Variants in MAP3K4 observed in about 807,000 individuals in gnomAD.
MAP3K4 encodes the protein MAP three kinase 1.
In MAP3K4, 67 loss-of-function variants were observed where a neutral mutation model predicts 185.6. The observed-to-expected ratio is 0.36, with a 90% CI of 0.30 to 0.44. The LOEUF (loss-of-function observed/expected upper bound fraction) is 0.44. Among genes scored for constraint, MAP3K4 ranks in the 20% least tolerant of loss-of-function variants. The pLI is 1.00. For missense variants in MAP3K4, 1,551 were observed against 1,995.1 expected, an observed-to-expected ratio of 0.78 and a Z score of 4.24; for synonymous variants, 702 against 710.4, an observed-to-expected ratio of 0.99 and a Z score of 0.19.
At position 161,048,610 on chromosome 6, in the gene MAP3K4, T is replaced by A. The variant is rs1783852961; in HGVS notation, c.344-6T>A. 5.2e-6 allele frequency: 8 copies of A among 1,541,694 alleles called. No homozygotes were observed. The highest frequency in any genetic ancestry group is 2.2e-5 in the Admixed American group (1 of 46,018). ...ATAATGTTCTGTTTATTTTTTTTTT[T>A]AATAGAAAAAATGAATGCACCAAAT... On this transcript the variant is annotated splice_polypyrimidine_tract_variant and splice_region_variant and intron_variant, in intron 2 of 26. Coordinates refer to ENST00000392142, the MANE Select transcript of MAP3K4 (RefSeq NM_005922.4). This position sits in a 1 kb window ranked among gnomAD's most constrained non-coding sequence, Gnocchi z 4.7.
chr6:160,992,520 C>T (rs188300852), intron 1 of MAP3K4, among the ~76,000 whole-genome samples: 33 of 152,328 alleles, frequency 2.2e-4, no homozygotes, highest in African/African-American at 7.7e-4. Context: ...TGCGTACTGG[C>T]TATTTCCCCG....
intron 2 of MAP3K4, among the ~76,000 whole-genome samples, chr6:161,036,784 TC>T (rs1411270613): frequency 6.6e-6 from 1 of 152,194 alleles, no homozygotes; most frequent in African/African-American, 2.4e-5. Context: ...GTATCCCTAA[TC>T]TACATGCTCC....
chr6:161,018,159 A>G (rs1053626414), intron 1 of MAP3K4, among the ~76,000 whole-genome samples: 1 of 152,196 alleles, frequency 6.6e-6, no homozygotes, highest in African/African-American at 2.4e-5. Flanking sequence ...TGCTGAGTGG[A>G]GGAAGCAGAT....
rs1161844336 is a variant in MAP3K4, at chr6:161,077,667, G to A, written c.2098-3214G>A. Among the ~76,000 whole-genome samples the A allele has an allele frequency of 6.6e-6, 1 of 152,182 alleles. No individual in the cohort carries two copies. Among genetic ancestry groups the A allele is most frequent in the Non-Finnish European group, 1.5e-5 (1 of 68,034 alleles). On this transcript the variant is annotated intron_variant, in intron 5 of 26. Transcript: ENST00000392142. This position sits in a 1 kb window ranked among gnomAD's most constrained non-coding sequence, Gnocchi z 4.3. ...AACATACATTCAGAAAGAAGTATAA[G>A]GATTCAAAGGAAACGTAGGCAGTGA...
At position 160,996,655 on chromosome 6, in the gene MAP3K4, G is replaced by A. The variant is rs990970192; in HGVS notation, c.152+4572G>A. Among the ~76,000 whole-genome samples the A allele has an allele frequency of 6.6e-6, 1 of 152,156 alleles. No individual in the cohort carries two copies. Among genetic ancestry groups the A allele is most frequent in the African/African-American group, 2.4e-5 (1 of 41,422 alleles). ...TAAAGAGAAAATGGAAAACGTGAGAGAAGGAGATTAGCTGAAGACTCCGTA... is the reference window on the plus strand; with the variant it reads ...TAAAGAGAAAATGGAAAACGTGAGAAAAGGAGATTAGCTGAAGACTCCGTA... On this transcript the variant is annotated intron_variant, in intron 1 of 26. Coordinates refer to ENST00000392142, the MANE Select transcript of MAP3K4 (RefSeq NM_005922.4). This position sits in a 1 kb window ranked among gnomAD's most constrained non-coding sequence, Gnocchi z 4.5.
At chr6:161,002,020 G>A (rs577137696) in intron 1 of MAP3K4, among the ~76,000 whole-genome samples, 70 of 144,982 alleles carry the variant, frequency 4.8e-4, no homozygotes, top group Admixed American at 4.8e-3. Context: ...CCCCCCCAAC[G>A]TCTGCAGAAG....
rs1785487067 is a variant in MAP3K4, at chr6:161,082,070, C to T, written c.2255+1032C>T. Among the ~76,000 whole-genome samples the T allele has an allele frequency of 6.6e-6, 1 of 152,044 alleles. No homozygotes were observed. Among genetic ancestry groups the T allele is most frequent in the Admixed American group, 6.5e-5 (1 of 15,268 alleles). On this transcript the variant is annotated intron_variant, in intron 6 of 26. Coordinates refer to ENST00000392142, the MANE Select transcript of MAP3K4 (RefSeq NM_005922.4). The surrounding 1 kb of genome is among the most constrained non-coding windows in gnomAD (Gnocchi z 4.2). ...CAGTCTCGGAATCTCGTATCCACTT[C>T]TCTGTTCTAATGGCCAGTTCTTTTT...
In MAP3K4 at chr6:161,109,746, C is replaced by T; in HGVS notation, c.4237-9C>T. The T allele has an allele frequency of 6.2e-7, 1 of 1,614,084 alleles. No homozygotes were observed. Among genetic ancestry groups the T allele is most frequent in the Non-Finnish European group, 8.5e-7 (1 of 1,179,990 alleles). On this transcript the variant is annotated splice_polypyrimidine_tract_variant and intron_variant, in intron 22 of 26. Coordinates refer to ENST00000392142, the MANE Select transcript of MAP3K4 (RefSeq NM_005922.4). The surrounding 1 kb of genome is among the most constrained non-coding windows in gnomAD (Gnocchi z 5.7). The stretch of plus-strand genomic sequence containing the variant: ...GTAAACACAGAGCTGCCCTTTATTC[C>T]TCCCACAGGAAGAAATGTACATCTT...
intron 1 of MAP3K4, among the ~76,000 whole-genome samples, chr6:161,005,813 A>C (rs1372304198): frequency 6.6e-6 from 1 of 152,116 alleles, no homozygotes; most frequent in African/African-American, 2.4e-5. Context: ...TTTGAGACAG[A>C]GTCTTGCTCT....
rs1170304395 is a variant in MAP3K4 at position 161,073,342 on chromosome 6, A to G, written c.1951-124A>G. The G allele has an allele frequency of 7.3e-6, 6 of 819,718 alleles. No homozygotes were observed. Among genetic ancestry groups the G allele is most frequent in the Admixed American group, 3.5e-5 (1 of 28,822 alleles). The allele number at this position is 819,718 out of a possible 1,614,324, so 50.8% of individuals were successfully genotyped here. A position where few individuals can be genotyped will look rare whatever the true frequency, so the allele number is the denominator to read the frequency against. On this transcript the variant is annotated intron_variant, in intron 4 of 26. Coordinates refer to ENST00000392142, the MANE Select transcript of MAP3K4 (RefSeq NM_005922.4). This position sits in a 1 kb window ranked among gnomAD's most constrained non-coding sequence, Gnocchi z 4.2. ...TGAACTGATCAAGAATCTAGAAACT[A>G]TTGTAGGTTTTTTAGAGGCAAGGTT...
chr6:161,107,396 T>C lies in MAP3K4; in HGVS notation c.4049-503T>C, dbSNP rs1276583307. 6.6e-6 allele frequency among the ~76,000 whole-genome samples: 1 copy of C among 152,162 alleles called. No homozygotes were observed. Among genetic ancestry groups the C allele is most frequent in the East Asian group, 1.9e-4 (1 of 5,200 alleles). ...TGAAAACAATCAAGTACTTTATAAA[T>C]TGGATTAATTATTGTTATCAGTCTT... is the stretch of plus-strand genomic sequence containing the variant. On this transcript the variant is annotated intron_variant, in intron 20 of 26. Transcript: ENST00000392142. This position sits in a 1 kb window ranked among gnomAD's most constrained non-coding sequence, Gnocchi z 6.2.
Position 161,006,551 on chromosome 6 carries a change from C to T in MAP3K4, c.152+14468C>T, listed in dbSNP as rs545629764. Among the ~76,000 whole-genome samples the T allele has an allele frequency of 2.0e-5, 3 of 152,122 alleles. No homozygotes were observed. In the South Asian group the frequency reaches 6.2e-4, roughly 32 times the overall value. The stretch of plus-strand genomic sequence containing the variant: ...ATTTTATATCAGACAGTTGAGCATC[C>T]CAGATTTTGTTTTTCCAAGGGAGGT... On this transcript the variant is annotated intron_variant, in intron 1 of 26. Transcript: ENST00000392142.
chr6:161,065,627 C>T (rs143635102), intron 3 of MAP3K4, among the ~76,000 whole-genome samples: 1 of 152,286 alleles, frequency 6.6e-6, no homozygotes, highest in East Asian at 1.9e-4. Context: ...TTTTAGACTT[C>T]AGCTTTCTTC....
intron 1 of MAP3K4, chr6:160,992,324 C>T (rs903134273): frequency 9.2e-6 from 5 of 542,266 alleles, no homozygotes; most frequent in Non-Finnish European, 9.4e-6. Flanking sequence ...GTTGCCGGCT[C>T]CCCTTCCCTT....
At chr6:161,030,257 A>G (rs915387848) in intron 1 of MAP3K4, among the ~76,000 whole-genome samples, 16 of 151,824 alleles carry the variant, frequency 1.1e-4, no homozygotes, top group South Asian at 2.1e-4. Flanking sequence ...TTCATTTTCA[A>G]TAGTTTCTGT....
rs760271978 is a variant in MAP3K4, at chr6:161,048,255, A to G, written c.344-361A>G. 1.8e-6 allele frequency: 1 copy of G among 545,034 alleles called. No homozygotes were observed. The highest frequency in any genetic ancestry group is 3.7e-6 in the Non-Finnish European group (1 of 268,558). The allele number at this position is 545,034 out of a possible 1,614,324, so 33.8% of individuals were successfully genotyped here. A position where few individuals can be genotyped will look rare whatever the true frequency, so the allele number is the denominator to read the frequency against. Reference sequence around the variant, plus strand: ...ATATTTTCTCATCCAGGTGTCCGTCAGATCTCCCATGCTGTTTCTTCCTCC... The same window carrying G: ...ATATTTTCTCATCCAGGTGTCCGTCGGATCTCCCATGCTGTTTCTTCCTCC... On this transcript the variant is annotated intron_variant, in intron 2 of 26. Transcript: ENST00000392142. The surrounding 1 kb of genome is among the most constrained non-coding windows in gnomAD (Gnocchi z 4.7).
intron 1 of MAP3K4, among the ~76,000 whole-genome samples, chr6:161,013,342 C>G (rs1781935310): frequency 6.6e-6 from 1 of 152,084 alleles, no homozygotes; most frequent in East Asian, 1.9e-4. Flanking sequence ...CTTCATGAGC[C>G]TTTTCTAAAT....
chr6:161,012,564 A>G (rs1164938604), intron 1 of MAP3K4, among the ~76,000 whole-genome samples: 1 of 152,192 alleles, frequency 6.6e-6, no homozygotes, highest in Non-Finnish European at 1.5e-5. Context: ...TGCTTTATAT[A>G]ATTATTACAA....
intron 1 of MAP3K4, among the ~76,000 whole-genome samples, chr6:161,026,976 A>G (rs1213205501): frequency 6.6e-6 from 1 of 151,968 alleles, no homozygotes. Context: ...TTTGTTTTCT[A>G]TCTTTATGCA....
Sources: gnomAD v4.1 joint callset for allele counts (sites outside exome capture counted in the v4.1 genomes callset) on GRCh38, gnomAD v4.1.1 for gene constraint, Gnocchi (gnomAD v3.1) non-coding constraint, MANE v1.5 for transcripts, NCBI Gene and HGNC (gene_info 2026-07-23, HGNC 2026-07-21) for gene names.